Variants in MEF2A observed in about 807,000 individuals in gnomAD.
MEF2A encodes the protein myocyte enhancer factor 2A.
A neutral mutation model predicts 55.8 loss-of-function variants in MEF2A; 28 were observed. The observed-to-expected ratio is 0.50, with a 90% confidence interval of 0.37 to 0.69. The LOEUF (loss-of-function observed/expected upper bound fraction) is 0.69. Among genes scored for constraint, MEF2A ranks in the 30% least tolerant of loss-of-function variants. The probability of loss-of-function intolerance (pLI) is 0.00; values close to 1 mark genes in which losing one functional copy is unlikely to be tolerated. For synonymous variants in MEF2A, 239 were observed against 227.1 expected (o/e 1.05, Z -0.47); for missense variants, 528 against 626.2 (o/e 0.84, Z 1.67).
Position 99,616,153 on chromosome 15 carries a change from C to T in MEF2A, c.-142-16825C>T, listed in dbSNP as rs77228427. ...TAGATTGAATTTAGAGAACAAACAG[C>T]TGAGAAAATTGAGATACTTAAAAAT... On this transcript the variant is annotated intron_variant, in intron 2 of 11. Transcript: ENST00000557942. Among the ~76,000 whole-genome samples, 8 of 151,820 alleles carry T rather than the reference C, an allele frequency of 5.3e-5. No homozygotes were observed. The South Asian group carries it at 1.7e-3, about 31-fold the overall frequency.
chr15:99,602,474 T>C (rs1973423953), intron 2 of MEF2A, among the ~76,000 whole-genome samples: 1 of 152,126 alleles, frequency 6.6e-6, no homozygotes, highest in Non-Finnish European at 1.5e-5. Flanking sequence ...ATGCGCATGC[T>C]GGAGCCCATA....
chr15:99,675,538 T>C lies in MEF2A; in HGVS notation c.670+80T>C, dbSNP rs1406509864. ...AGGAATGTTGTTCCTGAAATAAAGCTTTCTGGGAAATTTCCTTCTGAAGGG... is the reference window on the plus strand; with the variant it reads ...AGGAATGTTGTTCCTGAAATAAAGCCTTCTGGGAAATTTCCTTCTGAAGGG... On this transcript the variant is annotated intron_variant, in intron 7 of 11. Coordinates refer to ENST00000557942, the MANE Select transcript of MEF2A (RefSeq NM_001319206.4). The C allele has an allele frequency of 3.0e-5, 38 of 1,282,814 alleles. No homozygotes were observed. In the South Asian group the frequency reaches 4.9e-4, roughly 17 times the overall value. 79.5% of individuals were successfully genotyped at this position (1,282,814 alleles called of 1,614,324 possible).
intron 5 of MEF2A, among the ~76,000 whole-genome samples, chr15:99,672,117 CTTG>C (rs1381738343): frequency 6.6e-6 from 1 of 152,184 alleles, no homozygotes. Context: ...TGTTGCGAAA[CTTG>C]TTTTTTTCCT....
At chr15:99,663,679 G>T (rs540873012) in intron 4 of MEF2A, among the ~76,000 whole-genome samples, 2 of 151,862 alleles carry the variant, frequency 1.3e-5, no homozygotes, top group Non-Finnish European at 1.5e-5. Context: ...TAAAAGAAAC[G>T]CATTTTAAAT....
At chr15:99,620,276 G>C (rs1223734095) in intron 2 of MEF2A, among the ~76,000 whole-genome samples, 1 of 152,098 alleles carries the variant, frequency 6.6e-6, no homozygotes, top group African/African-American at 2.4e-5. Context: ...TTTTGTGTGT[G>C]AATATTCATG....
rs746067389 is a variant in MEF2A, at chr15:99,633,084, T to C, written c.-36T>C. The C allele has an allele frequency of 6.4e-7, 1 of 1,557,174 alleles. No homozygotes were observed. Among genetic ancestry groups the C allele is most frequent in the Non-Finnish European group, 8.8e-7 (1 of 1,140,672 alleles). ...AGAAAATTAACTTTTGAATTAAATA[T>C]TTGGAATATAAGGAAATAAGGAAAG... On this transcript the variant is annotated 5_prime_UTR_variant, in exon 3 of 12. Coordinates refer to ENST00000557942, the MANE Select transcript of MEF2A (RefSeq NM_001319206.4).
At chr15:99,568,742 T>C (rs1474411787) in intron 1 of MEF2A, among the ~76,000 whole-genome samples, 1 of 152,194 alleles carries the variant, frequency 6.6e-6, no homozygotes, top group East Asian at 1.9e-4. Flanking sequence ...AAGAAGAATG[T>C]AGTGTAATAT....
rs557076456 is a variant in MEF2A at position 99,626,294 on chromosome 15, T to A, written c.-142-6684T>A. Among the ~76,000 whole-genome samples, 61 of 152,302 alleles carry A rather than the reference T, an allele frequency of 4.0e-4. 1 individual carries two copies. Among genetic ancestry groups the A allele is most frequent in the Admixed American group, 3.9e-4 (6 of 15,308 alleles). ...CCTCTTACAGTCTCATTTATTTCTA[T>A]AGAGTAAGTTGTAATGCCCCCACTT... is the stretch of plus-strand genomic sequence containing the variant. On this transcript the variant is annotated intron_variant, in intron 2 of 11. Transcript: ENST00000557942.
At chr15:99,683,588 T>A (rs1400996219) in intron 7 of MEF2A, among the ~76,000 whole-genome samples, 2 of 152,038 alleles carry the variant, frequency 1.3e-5, no homozygotes, top group Non-Finnish European at 2.9e-5. Context: ...GCATTTTTTT[T>A]TAGTGGGGTT....
At position 99,632,979 on chromosome 15, in the gene MEF2A, T is replaced by C. The variant is rs1596626792; in HGVS notation, c.-141T>C. ...CTTCTAATTTGTGTTTTCTTTTAGA[T>C]CTTGTAGAAAATTTCAGCTGTAGCC... On this transcript the variant is annotated splice_region_variant and 5_prime_UTR_variant, in exon 3 of 12. Coordinates refer to ENST00000557942, the MANE Select transcript of MEF2A (RefSeq NM_001319206.4). 1.7e-6 allele frequency: 1 copy of C among 599,408 alleles called. No homozygotes were observed. The highest frequency in any genetic ancestry group is 3.2e-5 in the East Asian group (1 of 31,354). The allele number at this position is 599,408 out of a possible 1,614,324, so 37.1% of individuals were successfully genotyped here.
At chr15:99,592,026 G>A (rs1174018068) in intron 1 of MEF2A, among the ~76,000 whole-genome samples, 5 of 152,122 alleles carry the variant, frequency 3.3e-5, no homozygotes, top group Non-Finnish European at 7.3e-5. Flanking sequence ...TTGACTCCTG[G>A]ACATTCATCA....
chr15:99,622,911 A>C (rs963812872), intron 2 of MEF2A, among the ~76,000 whole-genome samples: 4 of 151,726 alleles, frequency 2.6e-5, no homozygotes, highest in Non-Finnish European at 4.4e-5. Flanking sequence ...TCACCGTGTT[A>C]GGATGGTCTC....
At chr15:99,657,306 C>G (rs1212956401) in intron 4 of MEF2A, 1 of 139,734 alleles carries the variant, frequency 7.2e-6, no homozygotes, top group Non-Finnish European at 1.6e-5. Flanking sequence ...TGTCCTACAT[C>G]TAACTTAAAA....
rs754806380 is a variant in MEF2A at position 99,690,419 on chromosome 15, G to T, written c.849G>T (p.Met283Ile). The T allele has an allele frequency of 5.0e-6, 8 of 1,594,230 alleles. No homozygotes were observed. Among genetic ancestry groups the T allele is most frequent in the Non-Finnish European group, 6.8e-6 (8 of 1,169,076 alleles). The change falls in exon 8 of 12, where the codon ATG becomes ATT. Residue 283 changes from methionine to isoleucine, a missense_variant. Met to Ile is a conservative substitution (Grantham distance 10). Transcript: ENST00000557942. ...TCCCCCCTTCAAGCAAGGGCATGAT[G>T]CCTCCACTAGTAAGTTGAACCTTTC... ...VVIPPSSKGM[M>I]PPLSEEEELE...
chr15:99,676,087 TGAG>T (rs1249628309), intron 7 of MEF2A, among the ~76,000 whole-genome samples: 11 of 150,962 alleles, frequency 7.3e-5, no homozygotes, highest in Non-Finnish European at 1.6e-4. Flanking sequence ...ATAAAAATGA[TGAG>T]GAAGAAATAA....
chr15:99,644,236 G>T (rs2045559962), intron 3 of MEF2A, among the ~76,000 whole-genome samples: 1 of 152,182 alleles, frequency 6.6e-6, no homozygotes, highest in East Asian at 1.9e-4. Flanking sequence ...ATGAGTAGAT[G>T]TTAAATGCAT....
chr15:99,610,964 G>A (rs1011334263), intron 2 of MEF2A, among the ~76,000 whole-genome samples: 17 of 152,232 alleles, frequency 1.1e-4, no homozygotes, highest in African/African-American at 3.9e-4. Context: ...AAATGAGGCC[G>A]GGTGCGTTGG....
At chr15:99,711,957 G>T (rs546309485) in intron 11 of MEF2A, among the ~76,000 whole-genome samples, 2 of 152,180 alleles carry the variant, frequency 1.3e-5, no homozygotes, top group East Asian at 3.9e-4. Context: ...GGGATGGTGC[G>T]ACTTGCACCT....
At chr15:99,638,772 C>T (rs2044348588) in intron 3 of MEF2A, among the ~76,000 whole-genome samples, 1 of 152,022 alleles carries the variant, frequency 6.6e-6, no homozygotes, top group African/African-American at 2.4e-5. Flanking sequence ...ACCTGTAAGT[C>T]CATATCTGAT....
Sources: gnomAD v4.1 joint callset for allele counts (sites outside exome capture counted in the v4.1 genomes callset) on GRCh38, gnomAD v4.1.1 for gene constraint, MANE v1.5 for transcripts, NCBI Gene and HGNC (gene_info 2026-07-23, HGNC 2026-07-21) for gene names.